RBFOX3: variants seen among roughly 807,000 people sequenced by gnomAD.
The protein encoded by RBFOX3 is RNA binding fox-1 homolog 3, also known as RNA binding protein fox-1 homolog 3.
A neutral mutation model predicts 48.7 loss-of-function variants in RBFOX3; 17 were observed. The ratio of observed to expected loss-of-function variants is 0.35; its 90% CI spans 0.24 to 0.52. The LOEUF is 0.52. Among genes scored for constraint, RBFOX3 ranks in the 20% least tolerant of loss-of-function variants. The probability of loss-of-function intolerance (pLI) is 0.94; values close to 1 mark genes in which losing one functional copy is unlikely to be tolerated. For synonymous variants in RBFOX3, 212 were observed against 209.5 expected (o/e 1.01, Z -0.10); for missense variants, 382 against 497.5 (o/e 0.77, Z 2.21).
chr17:79,626,698 A>AG, the RBFOX3 span, among the ~76,000 whole-genome samples: 1 of 152,346 alleles, frequency 6.6e-6, no homozygotes, highest in Non-Finnish European at 1.5e-5. Context: ...CACACACTGA[A>AG]GGGGGCATCC....
chr17:79,617,615 C>T, the RBFOX3 span, among the ~76,000 whole-genome samples: 1 of 152,352 alleles, frequency 6.6e-6, no homozygotes, highest in African/African-American at 2.4e-5. Context: ...GGTTGCACGT[C>T]AGCATCTCCA....
intron 1 of RBFOX3, among the ~76,000 whole-genome samples, chr17:79,556,585 C>T (rs1314803069): frequency 6.6e-6 from 1 of 152,222 alleles, no homozygotes; most frequent in East Asian, 1.9e-4. Context: ...AAATCAAGTA[C>T]ACAAATTAGG....
intron 4 of RBFOX3, among the ~76,000 whole-genome samples, chr17:79,145,788 C>G (rs55958010): frequency 0.036 from 5,422 of 152,238 alleles, 293 homozygotes; most frequent in African/African-American, 0.11. Flanking sequence ...CACGGGGGCT[C>G]TCAGCCGGGC....
chr17:79,662,266 G>A, the RBFOX3 span, among the ~76,000 whole-genome samples: 8,325 of 151,114 alleles, frequency 0.055, 349 homozygotes, highest in South Asian at 0.099. Context: ...GGGACTACAG[G>A]CGCCCACCAC....
At chr17:79,408,316 G>A (rs549962306) in intron 2 of RBFOX3, among the ~76,000 whole-genome samples, 1 of 152,306 alleles carries the variant, frequency 6.6e-6, no homozygotes, top group African/African-American at 2.4e-5. Context: ...CCAGTGGGAG[G>A]GTCGGGCAGC....
chr17:79,503,815 A>G (rs1214531389), intron 1 of RBFOX3, among the ~76,000 whole-genome samples: 1 of 152,110 alleles, frequency 6.6e-6, no homozygotes, highest in African/African-American at 2.4e-5. Context: ...GCTCCTCCAC[A>G]CCAGCCACCA....
chr17:79,576,043 G>A (rs1373498948), intron 1 of RBFOX3, among the ~76,000 whole-genome samples: 1 of 152,194 alleles, frequency 6.6e-6, no homozygotes, highest in African/African-American at 2.4e-5. Flanking sequence ...ATAATATTTG[G>A]TCGTTGTGGT....
chr17:79,369,523 C>T (rs1188670449), intron 2 of RBFOX3, among the ~76,000 whole-genome samples: 2 of 152,188 alleles, frequency 1.3e-5, no homozygotes, highest in Admixed American at 6.5e-5. Flanking sequence ...AAGGCGCCTC[C>T]TCCCAGGCCT....
Position 79,364,630 on chromosome 17 carries a change from G to C in RBFOX3, c.-174-56806C>G, listed in dbSNP as rs567369404. On this transcript the variant is annotated intron_variant, in intron 2 of 14. Transcript: ENST00000693108. This position sits in a 1 kb window ranked among gnomAD's most constrained non-coding sequence, Gnocchi z 5.1. ...GGATGAGGGTGTGCTGGTGGGTGAC[G>C]GGGAGCGGGCGTGAGCAGGTCGGAT... 1.2e-3 allele frequency among the ~76,000 whole-genome samples: 181 copies of C among 152,324 alleles called. 1 individual carries two copies. The highest frequency in any genetic ancestry group is 4.2e-3 in the African/African-American group (173 of 41,566).
At chr17:79,410,472 G>A (rs1432564245) in intron 2 of RBFOX3, among the ~76,000 whole-genome samples, 3 of 152,162 alleles carry the variant, frequency 2.0e-5, no homozygotes, top group Admixed American at 2.0e-4. Flanking sequence ...ACCCAGGTAG[G>A]GAGTTTATCA....
chr17:79,380,557 C>T (rs2059779571), intron 2 of RBFOX3, among the ~76,000 whole-genome samples: 1 of 152,148 alleles, frequency 6.6e-6, no homozygotes, highest in Non-Finnish European at 1.5e-5. Context: ...AGATGCTGAG[C>T]CAGAGAGCAG....
chr17:79,255,306 G>A (rs1227876005), intron 3 of RBFOX3, among the ~76,000 whole-genome samples: 1 of 151,964 alleles, frequency 6.6e-6, no homozygotes, highest in African/African-American at 2.4e-5. Context: ...GGGTGACGGT[G>A]CCGTAGACTC....
the RBFOX3 span, among the ~76,000 whole-genome samples, chr17:79,642,980 T>C: frequency 6.6e-6 from 1 of 152,156 alleles, no homozygotes; most frequent in Non-Finnish European, 1.5e-5. Flanking sequence ...TGCACTCCTA[T>C]AGTCTCAGCT....
At chr17:79,238,071 G>A (rs1208580225) in intron 3 of RBFOX3, among the ~76,000 whole-genome samples, 1 of 152,176 alleles carries the variant, frequency 6.6e-6, no homozygotes, top group Non-Finnish European at 1.5e-5. Context: ...GAAGTAGCTG[G>A]GATTACAGGC....
At chr17:79,577,718 G>A (rs1433844504) in intron 1 of RBFOX3, among the ~76,000 whole-genome samples, 6 of 152,322 alleles carry the variant, frequency 3.9e-5, no homozygotes, top group South Asian at 4.2e-4. Context: ...TCCAGCTCCC[G>A]AAGCAGGTTG....
chr17:79,426,522 T>C (rs1485512808), intron 2 of RBFOX3, among the ~76,000 whole-genome samples: 2 of 152,122 alleles, frequency 1.3e-5, no homozygotes, highest in Non-Finnish European at 2.9e-5. Context: ...CAGGCACCTA[T>C]CATCCTCGTT....
At chr17:79,401,886 T>G (rs2062857489) in intron 2 of RBFOX3, among the ~76,000 whole-genome samples, 1 of 152,222 alleles carries the variant, frequency 6.6e-6, no homozygotes. Flanking sequence ...TCTGGCCTCC[T>G]GAGCTGTGAG....
chr17:79,394,335 G>A (rs1050132023), intron 2 of RBFOX3, among the ~76,000 whole-genome samples: 36 of 152,200 alleles, frequency 2.4e-4, no homozygotes, highest in African/African-American at 7.0e-4. Context: ...CCACAGTGCA[G>A]AGTGACCCTG....
chr17:79,594,185 A>C (rs1198662364), intron 1 of RBFOX3, among the ~76,000 whole-genome samples: 5 of 152,102 alleles, frequency 3.3e-5, no homozygotes, highest in African/African-American at 1.2e-4. Context: ...GAAGTAGAAG[A>C]ATCTCAGAGC....
Sources: allele counts gnomAD v4.1 joint callset (sites outside exome capture counted in the v4.1 genomes callset), GRCh38; gene constraint gnomAD v4.1.1; non-coding constraint Gnocchi (gnomAD v3.1); transcripts MANE v1.5; gene names NCBI Gene and HGNC (gene_info 2026-07-23, HGNC 2026-07-21).